Variants in GUCD1 observed in about 807,000 individuals in gnomAD.
GUCD1 encodes guanylyl cyclase domain containing 1, also known as protein GUCD1.
In GUCD1, 17 loss-of-function variants were observed where a neutral mutation model predicts 28.3. That is an observed-to-expected ratio of 0.60 (90% CI 0.41 to 0.90). The LOEUF is 0.90. GUCD1 is among the 40% of genes least tolerant of loss of function. The pLI, the probability that GUCD1 is intolerant of heterozygous loss-of-function variation, is 0.00. For synonymous variants in GUCD1, 129 were observed against 123.3 expected, an observed-to-expected ratio of 1.05 and a Z score of -0.30; for missense variants, 279 against 305.5, an observed-to-expected ratio of 0.91 and a Z score of 0.65.
rs1230849047 is a variant in GUCD1, at chr22:24,555,053, G to A, written c.-62C>T. 7.3e-7 allele frequency: 1 copy of A among 1,366,338 alleles called. No homozygotes were observed. The highest frequency in any genetic ancestry group is 9.5e-7 in the Non-Finnish European group (1 of 1,055,490). 84.6% of individuals were successfully genotyped at this position (1,366,338 alleles called of 1,614,324 possible). ...AGAGCGGGCTACAGCTTCCGCTTCG[G>A]CTGGGGCGGGAGGGCGGTCGGTGCG... On this transcript the variant is annotated 5_prime_UTR_variant, in exon 1 of 6. Coordinates refer to ENST00000435822, the MANE Select transcript of GUCD1 (RefSeq NM_001284254.2).
intron 5 of GUCD1, 81 bp from the exon 6 acceptor site, chr22:24,543,178 CTGAG>C (rs1461845451): frequency 9.0e-6 from 9 of 995,224 alleles, no homozygotes; most frequent in Non-Finnish European, 1.4e-5. Flanking sequence ...CCCAGGGGAG[CTGAG>C]TGAGGTCTGT....
chr22:24,546,196 C>T (rs1245630181), intron 4 of GUCD1, among the ~76,000 whole-genome samples: 1 of 151,988 alleles, frequency 6.6e-6, no homozygotes. Flanking sequence ...CTCCTGACCT[C>T]GTGATCCGCC....
chr22:24,554,978 G>T lies in GUCD1; in HGVS notation c.14C>A (p.Ala5Glu). 1 of 1,554,512 alleles carries T rather than the reference G, an allele frequency of 6.4e-7. No individual in the cohort carries two copies. Among genetic ancestry groups the T allele is most frequent in the South Asian group, 1.2e-5 (1 of 86,004 alleles). ...CTCGAGCGGCGGCCCCGCTGCCTCC[G>T]CCTCCGTCCTCATGACCCGGGCGGC... MRTE[A>E]EAAGPPLEPG... Residue 5 changes from alanine (A) to glutamate (E), a missense_variant, in exon 1 of 6, where the codon GCG (alanine) becomes GAG (glutamate). Transcript: ENST00000435822.
chr22:24,545,620 T>C (rs1301256813), intron 4 of GUCD1, among the ~76,000 whole-genome samples: 1 of 152,070 alleles, frequency 6.6e-6, no homozygotes, highest in Non-Finnish European at 1.5e-5. Context: ...CTTTTTTTTT[T>C]TGAGACAGAG....
chr22:24,553,043 AC>A (rs1303620518), intron 1 of GUCD1, among the ~76,000 whole-genome samples: 1 of 152,142 alleles, frequency 6.6e-6, no homozygotes, highest in Admixed American at 6.5e-5. Flanking sequence ...CCAAGCCCTG[AC>A]CCCTAGGGAC....
At chr22:24,555,453 C>T (rs879598708), upstream of GUCD1, 1 of 1,136,766 alleles carries the variant, frequency 8.8e-7, no homozygotes, top group Admixed American at 2.8e-5. Flanking sequence ...CGCTCTTTTG[C>T]CAGTCCTAGG....
Position 24,548,906 on chromosome 22 carries a change from G to T in GUCD1, c.128+11C>A. On this transcript the variant is annotated intron_variant, in intron 2 of 5. Coordinates refer to ENST00000435822, the MANE Select transcript of GUCD1 (RefSeq NM_001284254.2). ...GGAAGCACCTGGGCCCCCAGCCCTG[G>T]CCCCACTCACCGCAGCACCATCCTG... The T allele has an allele frequency of 6.4e-7, 1 of 1,561,744 alleles. No homozygotes were observed. The highest frequency in any genetic ancestry group is 8.7e-7 in the Non-Finnish European group (1 of 1,151,144).
chr22:24,554,760 G>GA (rs1316682974), intron 1 of GUCD1, among the ~76,000 whole-genome samples, 189 bp downstream of exon 1: 2 of 152,186 alleles, frequency 1.3e-5, no homozygotes, highest in African/African-American at 4.8e-5. Flanking sequence ...CTGCTACCCG[G>GA]ACCTTCCCAC....
chr22:24,547,548 T>C (rs1025136427), intron 3 of GUCD1, among the ~76,000 whole-genome samples: 1 of 152,176 alleles, frequency 6.6e-6, no homozygotes, highest in Non-Finnish European at 1.5e-5. Flanking sequence ...AATGTGCAAA[T>C]GATGGCCGGA....
chr22:24,555,647 G>T, upstream of GUCD1: 1 of 1,550,666 alleles, frequency 6.4e-7, no homozygotes, highest in Non-Finnish European at 8.7e-7. Context: ...ATGAAATTGT[G>T]ACGGGAAGTC....
At chr22:24,553,097 GTGC>G (rs1462605513) in intron 1 of GUCD1, among the ~76,000 whole-genome samples, 1 of 152,228 alleles carries the variant, frequency 6.6e-6, no homozygotes, top group Non-Finnish European at 1.5e-5. Context: ...GCAGGATGTT[GTGC>G]TGTCACGGTG....
intron 4 of GUCD1, 119 bp downstream of exon 4, chr22:24,546,795 G>T: frequency 1.1e-6 from 1 of 898,810 alleles, no homozygotes; most frequent in Non-Finnish European, 1.8e-6. Flanking sequence ...CGGGTAGCCA[G>T]TTCTGCCTGG....
At chr22:24,545,039 A>G (rs2044691300) in intron 4 of GUCD1, among the ~76,000 whole-genome samples, 1 of 144,258 alleles carries the variant, frequency 6.9e-6, no homozygotes, top group South Asian at 2.1e-4. Flanking sequence ...AAAAAAAAAG[A>G]AAAGAAAAGA....
upstream of GUCD1, chr22:24,555,478 C>G: frequency 8.4e-7 from 1 of 1,192,550 alleles, no homozygotes; most frequent in Non-Finnish European, 1.2e-6. Context: ...AGCCCTGATC[C>G]CGCCCAGTGC....
rs5844596 is a variant in GUCD1, at chr22:24,544,465, CAT to C, written c.387-384_387-383del. On this transcript the variant is annotated intron_variant, in intron 4 of 5. Coordinates refer to ENST00000435822, the MANE Select transcript of GUCD1 (RefSeq NM_001284254.2). ...GCCCTGTCTCTCCTCTACCCTAAAT[CAT>C]GTGTGGTTTACATTGAAAACTGCCA... is the stretch of plus-strand genomic sequence containing the variant. 9.9e-3 allele frequency among the ~76,000 whole-genome samples: 1,502 copies of C among 152,318 alleles called. 83 individuals are homozygous for C. The highest frequency in any genetic ancestry group is 0.089 in the Admixed American group (1,366 of 15,294).
Position 24,548,070 on chromosome 22 carries a change from G to A in GUCD1, c.132C>T (p.Tyr44=). 5.0e-6 allele frequency: 8 copies of A among 1,613,542 alleles called. No homozygotes were observed. The highest frequency in any genetic ancestry group is 6.8e-6 in the Non-Finnish European group (8 of 1,179,724). Residue 44 remains tyrosine (Y), a synonymous_variant, in exon 3 of 6, where the codon TAC becomes TAT. Coordinates refer to ENST00000435822, the MANE Select transcript of GUCD1 (RefSeq NM_001284254.2). ...ACTCACTGTCGTCCAGCTGGCCCAG[G>A]TACCTGCAGGTAGACGAGCTGGGGA... ...GLACSRMVLR[Y]LGQLDDSEFE...
chr22:24,543,071 A>G lies in GUCD1; in HGVS notation c.655T>C (p.Phe219Leu), dbSNP rs1371580856. 6.2e-7 allele frequency: 1 copy of G among 1,613,940 alleles called. No individual in the cohort carries two copies. Among genetic ancestry groups the G allele is most frequent in the Non-Finnish European group, 8.5e-7 (1 of 1,179,872 alleles). ...DRMCSTSISN[F>L]EEARTSYGTD... Reference sequence around the variant, plus strand: ...CCATAGCTGGTTCTGGCCTCCTCAAAGTTACTGATGCTGGTGCTGCACATT... The same window carrying G: ...CCATAGCTGGTTCTGGCCTCCTCAAGGTTACTGATGCTGGTGCTGCACATT... Residue 219 changes from phenylalanine (F) to leucine (L), a missense_variant, in exon 6 of 6, where the codon TTT (phenylalanine) becomes CTT (leucine). By Grantham distance (22) the Phe-to-Leu change is conservative (BLOSUM62 0). Transcript: ENST00000435822.
upstream of GUCD1, chr22:24,555,379 C>T (rs2045027885): frequency 7.6e-7 from 1 of 1,314,670 alleles, no homozygotes; most frequent in Non-Finnish European, 1.0e-6. Context: ...AGCCCCGCCC[C>T]AAAGCTCGTG....
Position 24,541,009 on chromosome 22 carries a change from C to T in GUCD1, c.*1997G>A, listed in dbSNP as rs1023563665. 5.9e-6 allele frequency: 1 copy of T among 169,910 alleles called. No individual in the cohort carries two copies. The highest frequency in any genetic ancestry group is 1.5e-5 in the Non-Finnish European group (1 of 68,630). The allele number at this position is 169,910 out of a possible 1,614,324, so 10.5% of individuals were successfully genotyped here. On this transcript the variant is annotated 3_prime_UTR_variant, in exon 6 of 6. Coordinates refer to ENST00000435822, the MANE Select transcript of GUCD1 (RefSeq NM_001284254.2). ...TCATACAGCTATTCTAACAATTTTA[C>T]CAGAACACCACCTGAAGATGCCCAC...
Sources: gnomAD v4.1 joint callset for allele counts (sites outside exome capture counted in the v4.1 genomes callset) on GRCh38, gnomAD v4.1.1 for gene constraint, MANE v1.5 for transcripts, NCBI Gene and HGNC (gene_info 2026-07-23, HGNC 2026-07-21) for gene names.